SLC25A21: variants seen among roughly 807,000 people sequenced by gnomAD.
SLC25A21 encodes the protein solute carrier family 25 member 21.
A neutral mutation model predicts 43.8 loss-of-function variants in SLC25A21; 47 were observed. The observed-to-expected ratio is 1.07, with a 90% CI of 0.85 to 1.37. SLC25A21 has a LOEUF of 1.37. Ranked by LOEUF, SLC25A21 falls within the 40% of genes most tolerant of loss-of-function variation. The pLI is 0.00. For synonymous variants in SLC25A21, 131 were observed against 121.3 expected, an observed-to-expected ratio of 1.08 and a Z score of -0.52; for missense variants, 352 against 350.2, an observed-to-expected ratio of 1.00 and a Z score of -0.04.
chr14:37,104,607 C>G (rs907383268), intron 1 of SLC25A21, among the ~76,000 whole-genome samples: 1 of 152,024 alleles, frequency 6.6e-6, no homozygotes, highest in Non-Finnish European at 1.5e-5. Context: ...CAGCATATAC[C>G]ATGATACTGT....
chr14:36,752,747 C>T (rs1885755963), intron 3 of SLC25A21, among the ~76,000 whole-genome samples: 1 of 152,152 alleles, frequency 6.6e-6, no homozygotes, highest in South Asian at 2.1e-4. Flanking sequence ...GTAACTGAAT[C>T]ATGGGAGCAG....
intron 7 of SLC25A21, among the ~76,000 whole-genome samples, chr14:36,706,031 A>C (rs1477191112): frequency 1.3e-5 from 2 of 152,234 alleles, no homozygotes; most frequent in East Asian, 1.9e-4. Flanking sequence ...AAATTTAAAG[A>C]ATACTGGTTT....
At position 36,936,046 on chromosome 14, in the gene SLC25A21, T is replaced by C. The variant is rs573305770; in HGVS notation, c.71-61042A>G. Among the ~76,000 whole-genome samples the C allele has an allele frequency of 8.5e-5, 13 of 152,190 alleles. No individual in the cohort carries two copies. In the East Asian group the frequency reaches 2.1e-3, roughly 25 times the overall value. Reference sequence around the variant, plus strand: ...ATTTCCTTTAATTACTGGTACTGGGTTTTTATCTATCAGTACTATCAGCTT... The same window carrying C: ...ATTTCCTTTAATTACTGGTACTGGGCTTTTATCTATCAGTACTATCAGCTT... On this transcript the variant is annotated intron_variant, in intron 1 of 9. Transcript: ENST00000331299.
At chr14:37,097,669 G>A (rs1334356125) in intron 1 of SLC25A21, among the ~76,000 whole-genome samples, 2 of 152,002 alleles carry the variant, frequency 1.3e-5, no homozygotes, top group African/African-American at 4.8e-5. Context: ...GATCGCCTGA[G>A]GTCAGGAGTT....
intron 1 of SLC25A21, among the ~76,000 whole-genome samples, chr14:36,919,618 T>C (rs891410180): frequency 6.6e-5 from 6 of 91,128 alleles, no homozygotes; most frequent in East Asian, 3.3e-4. Flanking sequence ...AGATTATCTA[T>C]CTACCTATCT....
At chr14:37,084,751 C>T (rs1962452143) in intron 1 of SLC25A21, among the ~76,000 whole-genome samples, 1 of 152,110 alleles carries the variant, frequency 6.6e-6, no homozygotes, top group African/African-American at 2.4e-5. Context: ...GTCTCCAACT[C>T]CTTAGTTGCT....
At chr14:36,922,700 T>C (rs1315614871) in intron 1 of SLC25A21, among the ~76,000 whole-genome samples, 2 of 152,006 alleles carry the variant, frequency 1.3e-5, no homozygotes, top group Non-Finnish European at 2.9e-5. Flanking sequence ...GGAGACCTCA[T>C]GGAAAACATG....
intron 1 of SLC25A21, among the ~76,000 whole-genome samples, chr14:36,940,641 C>T (rs554222035): frequency 1.3e-4 from 20 of 152,036 alleles, no homozygotes; most frequent in Non-Finnish European, 2.5e-4. Flanking sequence ...TACCATGCAA[C>T]GTATCAAAAA....
At chr14:36,918,011 T>A (rs1891877228) in intron 1 of SLC25A21, among the ~76,000 whole-genome samples, 1 of 152,170 alleles carries the variant, frequency 6.6e-6, no homozygotes. Flanking sequence ...TTAGCATCAC[T>A]CTTTGTATAC....
intron 1 of SLC25A21, among the ~76,000 whole-genome samples, chr14:36,963,338 C>T (rs1959540295): frequency 6.6e-6 from 1 of 152,094 alleles, no homozygotes; most frequent in Admixed American, 6.5e-5. Flanking sequence ...TATAAAATGG[C>T]CCTCCCCAGA....
intron 3 of SLC25A21, among the ~76,000 whole-genome samples, chr14:36,741,865 G>A (rs766788307): frequency 1.2e-4 from 19 of 152,278 alleles, no homozygotes; most frequent in Middle Eastern, 6.8e-3. Flanking sequence ...GCATTAACAC[G>A]TCTGTATACC....
At chr14:36,780,515 T>C (rs1348593134) in intron 3 of SLC25A21, among the ~76,000 whole-genome samples, 3 of 152,052 alleles carry the variant, frequency 2.0e-5, no homozygotes, top group Non-Finnish European at 4.4e-5. Flanking sequence ...TTCCATAAGT[T>C]TTGGTGTGAT....
chr14:36,895,925 T>G (rs554560816), intron 1 of SLC25A21, among the ~76,000 whole-genome samples: 3 of 152,350 alleles, frequency 2.0e-5, no homozygotes, highest in Admixed American at 6.5e-5. Flanking sequence ...TAATTTCTGT[T>G]CTTTTACATT....
At chr14:36,776,151 T>A (rs1379157001) in intron 3 of SLC25A21, among the ~76,000 whole-genome samples, 1 of 151,950 alleles carries the variant, frequency 6.6e-6, no homozygotes, top group African/African-American at 2.4e-5. Flanking sequence ...CATTGTTTTT[T>A]TTTCACAACC....
At chr14:36,787,821 C>CT (rs1887305808) in intron 3 of SLC25A21, among the ~76,000 whole-genome samples, 1 of 152,150 alleles carries the variant, frequency 6.6e-6, no homozygotes, top group Non-Finnish European at 1.5e-5. Flanking sequence ...TTTTTAACAC[C>CT]TAAATTCCCT....
chr14:36,687,731 T>C (rs1313322558), intron 7 of SLC25A21, among the ~76,000 whole-genome samples: 2 of 152,214 alleles, frequency 1.3e-5, no homozygotes, highest in Non-Finnish European at 1.5e-5. Context: ...CTCGCATGAA[T>C]GCAGCATCTC....
chr14:36,762,318 A>C (rs2774039), intron 3 of SLC25A21, among the ~76,000 whole-genome samples: 24,289 of 151,992 alleles, frequency 0.16, 2,219 homozygotes, highest in Middle Eastern at 0.25. Flanking sequence ...TCCTGATTCT[A>C]TTTTTTTGCA....
intron 1 of SLC25A21, among the ~76,000 whole-genome samples, chr14:37,012,331 G>A (rs912618953): frequency 4.6e-5 from 7 of 152,102 alleles, no homozygotes; most frequent in Non-Finnish European, 7.4e-5. Flanking sequence ...CATCAAATGT[G>A]TTCTTTTTAT....
At chr14:36,705,584 C>T (rs1264314493) in intron 7 of SLC25A21, among the ~76,000 whole-genome samples, 1 of 152,156 alleles carries the variant, frequency 6.6e-6, no homozygotes, top group Non-Finnish European at 1.5e-5. Context: ...CTTAATCTCT[C>T]TCTGTCTCTG....
Sources: allele counts gnomAD v4.1 joint callset (sites outside exome capture counted in the v4.1 genomes callset), GRCh38; gene constraint gnomAD v4.1.1; transcripts MANE v1.5; gene names NCBI Gene and HGNC (gene_info 2026-07-23, HGNC 2026-07-21).